Variants in TOM1L2 observed in about 807,000 individuals in gnomAD.
TOM1L2 encodes target of myb1 like 2 membrane trafficking protein, also known as TOM1-like protein 2.
A neutral mutation model predicts 67.9 loss-of-function variants in TOM1L2; 31 were observed. That is an observed-to-expected ratio of 0.46 (90% CI 0.34 to 0.62). TOM1L2 has a LOEUF of 0.62. Among genes scored for constraint, TOM1L2 ranks in the 20% least tolerant of loss-of-function variants. The pLI is 0.01. For synonymous variants in TOM1L2, 256 were observed against 254.0 expected (o/e 1.01, Z -0.07); for missense variants, 606 against 663.5 (o/e 0.91, Z 0.95).
intron 1 of TOM1L2, among the ~76,000 whole-genome samples, chr17:17,912,437 T>C (rs1288596489): frequency 7.1e-6 from 1 of 140,264 alleles, no homozygotes; most frequent in Non-Finnish European, 1.5e-5. Flanking sequence ...GACGGGGCGG[T>C]TGCCAGGCAG....
At chr17:17,877,250 C>T (rs2037471195) in intron 7 of TOM1L2, among the ~76,000 whole-genome samples, 1 of 152,218 alleles carries the variant, frequency 6.6e-6, no homozygotes, top group East Asian at 1.9e-4. Context: ...TTATGATCAT[C>T]CTAGGGCTGA....
chr17:17,880,368 GCCCATCAGCGATC>G (rs1382440289), intron 6 of TOM1L2, among the ~76,000 whole-genome samples: 2 of 152,140 alleles, frequency 1.3e-5, no homozygotes, highest in African/African-American at 4.8e-5. Context: ...TACCCAAGTT[GCCCATCAGCGATC>G]CCAAAGCCTG....
At chr17:17,923,978 A>T (rs1397786192) in intron 1 of TOM1L2, among the ~76,000 whole-genome samples, 1 of 152,050 alleles carries the variant, frequency 6.6e-6, no homozygotes, top group Non-Finnish European at 1.5e-5. Context: ...TCCACTAAAA[A>T]AATACAAAAA....
At chr17:17,896,513 C>A (rs2038579291) in intron 3 of TOM1L2, among the ~76,000 whole-genome samples, 2 of 152,136 alleles carry the variant, frequency 1.3e-5, no homozygotes, top group Admixed American at 6.5e-5. Context: ...TTGGAAGTGC[C>A]CTGGACAGAG....
chr17:17,891,001 A>T (rs569128926), intron 4 of TOM1L2, among the ~76,000 whole-genome samples: 134 of 152,292 alleles, frequency 8.8e-4, no homozygotes, highest in African/African-American at 3.1e-3. Flanking sequence ...CTTCAGGAAC[A>T]CTGCAAATCT....
intron 1 of TOM1L2, among the ~76,000 whole-genome samples, chr17:17,950,374 G>A (rs950044227): frequency 6.6e-6 from 1 of 151,856 alleles, no homozygotes; most frequent in Admixed American, 6.6e-5. Flanking sequence ...GGCCGCGCTT[G>A]TCTCGAACTC....
intron 1 of TOM1L2, among the ~76,000 whole-genome samples, chr17:17,945,549 C>T (rs770137220): frequency 2.6e-5 from 4 of 152,184 alleles, no homozygotes; most frequent in Non-Finnish European, 5.9e-5. Context: ...GGGAGACCCA[C>T]ATTACATAGG....
In TOM1L2 at chr17:17,956,836, C is replaced by T. The variant is rs1597463219; in HGVS notation, c.52+15426G>A. ...CGCAAGCGCCACGCGCAGCCCGGTT[C>T]CCGCCCGCGCCTCTCCCTCCACATC... On this transcript the variant is annotated intron_variant, in intron 1 of 14. Transcript: ENST00000379504. 2.0e-5 allele frequency among the ~76,000 whole-genome samples: 3 copies of T among 152,332 alleles called. No homozygotes were observed. The East Asian group carries it at 5.8e-4, about 29-fold the overall frequency.
intron 5 of TOM1L2, among the ~76,000 whole-genome samples, chr17:17,884,089 G>C (rs2037870318): frequency 6.6e-6 from 1 of 152,150 alleles, no homozygotes; most frequent in Non-Finnish European, 1.5e-5. Flanking sequence ...AGCTTTGGTG[G>C]GATGCCCCTA....
intron 9 of TOM1L2, 28 bp downstream of exon 9, chr17:17,866,848 G>A (rs143054062): frequency 6.2e-7 from 1 of 1,610,176 alleles, no homozygotes; most frequent in Admixed American, 1.7e-5. Flanking sequence ...GGCCTCAGGA[G>A]ATGACAGGAT....
chr17:17,850,794 CA>C, intron 13 of TOM1L2, 98 bp downstream of exon 13: 6 of 1,314,020 alleles, frequency 4.6e-6, no homozygotes, highest in Middle Eastern at 2.0e-4. Flanking sequence ...CTGACCCAGA[CA>C]GGGGTGGAGC....
chr17:17,847,714 A>G lies in TOM1L2; in HGVS notation c.1445T>C (p.Met482Thr), dbSNP rs749744673. The change falls in exon 15 of 15, where the codon ATG becomes ACG. Residue 482 changes from methionine (M) to threonine (T), a missense_variant. Around this residue, in one of 2 missense-constraint regions of TOM1L2, gnomAD observed 543 missense variants for 554.0 expected, o/e 0.98. Transcript: ENST00000379504. ...EMVPDLPSPPMEAPAPASNPS... is the reference protein window; with the variant it reads ...EMVPDLPSPPTEAPAPASNPS... ...GTTTGAGGCTGGGGCAGGAGCCTCCATGGGGGGCGAGGGGAGGTCGGGAAC... is the reference window on the plus strand; with the variant it reads ...GTTTGAGGCTGGGGCAGGAGCCTCCGTGGGGGGCGAGGGGAGGTCGGGAAC... 3.7e-6 allele frequency: 6 copies of G among 1,613,808 alleles called. No homozygotes were observed. Among genetic ancestry groups the G allele is most frequent in the Non-Finnish European group, 4.2e-6 (5 of 1,180,004 alleles).
chr17:17,850,643 G>A (rs1408781191), intron 13 of TOM1L2, among the ~76,000 whole-genome samples: 1 of 152,242 alleles, frequency 6.6e-6, no homozygotes, highest in Non-Finnish European at 1.5e-5. Context: ...GGACTGTGTG[G>A]GTGAAGGAGG....
At chr17:17,894,669 G>A (rs2038462817) in intron 3 of TOM1L2, among the ~76,000 whole-genome samples, 1 of 152,234 alleles carries the variant, frequency 6.6e-6, no homozygotes, top group African/African-American at 2.4e-5. Flanking sequence ...AGTGGTTCAT[G>A]CCTGTAATCC....
intron 1 of TOM1L2, among the ~76,000 whole-genome samples, chr17:17,956,430 T>G (rs1000374525): frequency 1.3e-5 from 2 of 152,186 alleles, no homozygotes; most frequent in African/African-American, 4.8e-5. Flanking sequence ...CCCAGCTGGC[T>G]TCACCCAGTG....
At chr17:17,873,816 T>C (rs542446425) in intron 7 of TOM1L2, among the ~76,000 whole-genome samples, 1 of 152,358 alleles carries the variant, frequency 6.6e-6, no homozygotes, top group African/African-American at 2.4e-5. Flanking sequence ...AAGGCCACTG[T>C]CATGCTGCAG....
chr17:17,943,133 T>C (rs2040804923), intron 1 of TOM1L2, among the ~76,000 whole-genome samples: 1 of 152,136 alleles, frequency 6.6e-6, no homozygotes, highest in South Asian at 2.1e-4. Flanking sequence ...TATCTATGCT[T>C]GAAATTTTCT....
In TOM1L2 at chr17:17,878,014, C is replaced by G. The variant is rs143836593; in HGVS notation, c.777+1613G>C. Among the ~76,000 whole-genome samples, 615 of 152,326 alleles carry G rather than the reference C, an allele frequency of 4.0e-3. 6 individuals carry two copies. Among genetic ancestry groups the G allele is most frequent in the African/African-American group, 0.012 (500 of 41,566 alleles). On this transcript the variant is annotated intron_variant, in intron 7 of 14. Coordinates refer to ENST00000379504, the MANE Select transcript of TOM1L2 (RefSeq NM_001082968.2). ...CTGCTGCCAGGAGCACGGCTCTATCCAGAGCAAATCCCCCCTGTCAGCAGG... is the reference window on the plus strand; with the variant it reads ...CTGCTGCCAGGAGCACGGCTCTATCGAGAGCAAATCCCCCCTGTCAGCAGG...
chr17:17,951,032 C>T lies in TOM1L2; in HGVS notation c.52+21230G>A, dbSNP rs147552379. ...TCCCTGGCAGGATGTCTCCAGGGAT[C>T]TACCTGGAGCCAACCTAACAAGCCA... On this transcript the variant is annotated intron_variant, in intron 1 of 14. Transcript: ENST00000379504. 2.6e-3 allele frequency among the ~76,000 whole-genome samples: 392 copies of T among 152,310 alleles called. 1 individual carries two copies. The highest frequency in any genetic ancestry group is 3.5e-3 in the Non-Finnish European group (236 of 68,012).
Sources: allele counts gnomAD v4.1 joint callset (sites outside exome capture counted in the v4.1 genomes callset), GRCh38; gene constraint gnomAD v4.1.1; regional missense constraint gnomAD v4.1.1; transcripts MANE v1.5; gene names NCBI Gene and HGNC (gene_info 2026-07-23, HGNC 2026-07-21).